L3MBTL4: variants seen among roughly 807,000 people sequenced by gnomAD.
L3MBTL4 encodes the protein L3MBTL histone methyl-lysine binding protein 4.
L3MBTL4 carries 70 observed loss-of-function variants against 84.5 expected under a neutral mutation model. The ratio of observed to expected loss-of-function variants is 0.83; its 90% CI spans 0.68 to 1.01. The LOEUF (loss-of-function observed/expected upper bound fraction) is 1.01. Among genes scored for constraint, L3MBTL4 ranks in the 50% least tolerant of loss-of-function variants. The pLI is 0.00. For missense variants in L3MBTL4, 715 were observed against 754.8 expected, an observed-to-expected ratio of 0.95 and a Z score of 0.62; for synonymous variants, 274 against 259.8, an observed-to-expected ratio of 1.05 and a Z score of -0.52.
intron 14 of L3MBTL4, among the ~76,000 whole-genome samples, chr18:6,123,500 A>G (rs960968327): frequency 1.3e-5 from 2 of 152,158 alleles, no homozygotes; most frequent in African/African-American, 4.8e-5. Context: ...TCCCCTGCAT[A>G]GGCTCTCTTG....
chr18:6,337,345 T>G (rs1568514507), intron 1 of L3MBTL4, among the ~76,000 whole-genome samples: 1 of 152,176 alleles, frequency 6.6e-6, no homozygotes, highest in East Asian at 1.9e-4. Context: ...ATGTTCACAG[T>G]GTACTTATAA....
At chr18:6,383,026 C>A (rs1315615226) in intron 1 of L3MBTL4, among the ~76,000 whole-genome samples, 1 of 152,048 alleles carries the variant, frequency 6.6e-6, no homozygotes, top group African/African-American at 2.4e-5. Flanking sequence ...GAGGAGAAAT[C>A]TCTGGCAGTC....
At chr18:5,982,134 C>A (rs1032672686) in intron 16 of L3MBTL4, among the ~76,000 whole-genome samples, 2 of 152,002 alleles carry the variant, frequency 1.3e-5, no homozygotes, top group Admixed American at 6.6e-5. Context: ...TAGAATTAGC[C>A]CCTCTATGTT....
intron 12 of L3MBTL4, among the ~76,000 whole-genome samples, chr18:6,175,345 C>A (rs1222845766): frequency 6.6e-6 from 1 of 151,998 alleles, no homozygotes; most frequent in Non-Finnish European, 1.5e-5. Flanking sequence ...CAAAAAATAT[C>A]CTTCAAAAAA....
intron 14 of L3MBTL4, among the ~76,000 whole-genome samples, chr18:6,130,518 C>T (rs1213771708): frequency 6.6e-6 from 1 of 152,172 alleles, no homozygotes; most frequent in East Asian, 1.9e-4. Flanking sequence ...GTCATGTATG[C>T]TGTGCCCTGT....
At chr18:6,344,949 C>A (rs2052802078) in intron 1 of L3MBTL4, among the ~76,000 whole-genome samples, 1 of 151,984 alleles carries the variant, frequency 6.6e-6, no homozygotes, top group Admixed American at 6.6e-5. Context: ...AATAAAGATG[C>A]CCACTCTCGA....
chr18:6,378,791 T>C (rs1395557544), intron 1 of L3MBTL4, among the ~76,000 whole-genome samples: 2 of 152,218 alleles, frequency 1.3e-5, no homozygotes, highest in Non-Finnish European at 2.9e-5. Flanking sequence ...AGGATTGTCT[T>C]GGCTACATGG....
chr18:6,325,635 A>G (rs1415504803), intron 1 of L3MBTL4, among the ~76,000 whole-genome samples: 2 of 152,226 alleles, frequency 1.3e-5, no homozygotes, highest in African/African-American at 4.8e-5. Flanking sequence ...GGAAATAGGA[A>G]ACAAAAAATT....
chr18:6,396,640 G>C (rs1459807698), intron 1 of L3MBTL4: 6 of 152,220 alleles, frequency 3.9e-5, no homozygotes, highest in Non-Finnish European at 8.8e-5. Flanking sequence ...CCTAAGAAAA[G>C]AATGTACCTC....
rs1316525572 is a variant in L3MBTL4, at chr18:6,193,972, T to C, written c.981+19177A>G. On this transcript the variant is annotated intron_variant, in intron 12 of 18. Transcript: ENST00000317931. ...AAAACCCAGCAGGAGCTTGCTGCAT[T>C]CATGGCAGTACTTTGTGGGGTCGAA... Among the ~76,000 whole-genome samples the C allele has an allele frequency of 2.6e-5, 4 of 152,302 alleles. No individual in the cohort carries two copies. The East Asian group carries it at 7.7e-4, about 29-fold the overall frequency.
intron 16 of L3MBTL4, among the ~76,000 whole-genome samples, chr18:6,072,054 A>C (rs893239377): frequency 2.6e-5 from 4 of 152,236 alleles, no homozygotes; most frequent in African/African-American, 9.6e-5. Flanking sequence ...AACAAAGGTA[A>C]GAAGCAATTG....
intron 16 of L3MBTL4, among the ~76,000 whole-genome samples, chr18:6,078,884 T>A (rs1318492023): frequency 6.6e-6 from 1 of 151,836 alleles, no homozygotes; most frequent in Admixed American, 6.6e-5. Context: ...CATCTGGGGG[T>A]GATGGGAGAC....
rs147085590 is a variant in L3MBTL4 at position 5,961,817 on chromosome 18, G to A, written c.1615-1661C>T. On this transcript the variant is annotated intron_variant, in intron 17 of 18. Transcript: ENST00000317931. ...GGTGAGAAGGAAGCATGTAGAGCAC[G>A]TGCTCAGTATTTGCTGGGAGCTAGT... 6.4e-3 allele frequency among the ~76,000 whole-genome samples: 981 copies of A among 152,308 alleles called. 11 individuals are homozygous for A. The highest frequency in any genetic ancestry group is 0.011 in the South Asian group (54 of 4,820).
At chr18:6,031,256 T>A in intron 16 of L3MBTL4, 4 of 985,466 alleles carry the variant, frequency 4.1e-6, no homozygotes, top group Non-Finnish European at 4.8e-6. Flanking sequence ...ATATATCTTC[T>A]GCTAATAAGC....
At position 6,107,428 on chromosome 18, in the gene L3MBTL4, C is replaced by T. The variant is rs905070046; in HGVS notation, c.1200-13900G>A. Reference sequence around the variant, plus strand: ...GGTCTGGAAGATCATCCTCACTGCGCGGGCTGTGAGGAGCAGCCTGAGGGA... The same window carrying T: ...GGTCTGGAAGATCATCCTCACTGCGTGGGCTGTGAGGAGCAGCCTGAGGGA... On this transcript the variant is annotated intron_variant, in intron 14 of 18. Coordinates refer to ENST00000317931, the MANE Select transcript of L3MBTL4 (RefSeq NM_001330559.2). Among the ~76,000 whole-genome samples the T allele has an allele frequency of 4.6e-5, 7 of 152,088 alleles. No individual in the cohort carries two copies. In the East Asian group the frequency reaches 5.8e-4, roughly 13 times the overall value.
intron 14 of L3MBTL4, among the ~76,000 whole-genome samples, chr18:6,136,471 T>A (rs939569171): frequency 6.6e-6 from 1 of 152,198 alleles, no homozygotes; most frequent in African/African-American, 2.4e-5. Flanking sequence ...CTTTTCTGCA[T>A]GAAAGATGGA....
intron 16 of L3MBTL4, among the ~76,000 whole-genome samples, chr18:6,017,295 G>A (rs2055036549): frequency 6.6e-6 from 1 of 150,520 alleles, no homozygotes. Context: ...CTGCTGATTG[G>A]AGACACTTCT....
At chr18:6,051,874 T>C (rs1032558389) in intron 16 of L3MBTL4, among the ~76,000 whole-genome samples, 1 of 152,014 alleles carries the variant, frequency 6.6e-6, no homozygotes, top group Non-Finnish European at 1.5e-5. Context: ...GCAGGATGAG[T>C]GTTAATAGTG....
rs190450258 is a variant in L3MBTL4, at chr18:6,358,967, G to A, written c.-90-46911C>T. On this transcript the variant is annotated intron_variant, in intron 1 of 18. Coordinates refer to ENST00000317931, the MANE Select transcript of L3MBTL4 (RefSeq NM_001330559.2). The stretch of plus-strand genomic sequence containing the variant: ...TGATTTCAGTTTATGAAAATGTCTT[G>A]CAAAGAATCACATTTTTGGGTCTTT... 2.6e-5 allele frequency among the ~76,000 whole-genome samples: 4 copies of A among 152,318 alleles called. No individual in the cohort carries two copies. In the East Asian group the frequency reaches 7.7e-4, roughly 29 times the overall value.
Sources: gnomAD v4.1 joint callset for allele counts (sites outside exome capture counted in the v4.1 genomes callset) on GRCh38, gnomAD v4.1.1 for gene constraint, MANE v1.5 for transcripts, NCBI Gene and HGNC (gene_info 2026-07-23, HGNC 2026-07-21) for gene names.